ARHGAP8: variants seen among roughly 807,000 people sequenced by gnomAD.
The protein encoded by ARHGAP8 is rho GTPase-activating protein 8.
In ARHGAP8, 62 loss-of-function variants were observed where a neutral mutation model predicts 46.1. That is an observed-to-expected ratio of 1.34 (90% CI 1.10 to 1.66). The LOEUF is 1.66. Ranked by LOEUF, ARHGAP8 falls within the 40% of genes most tolerant of loss-of-function variation. The pLI is 0.00. For missense variants in ARHGAP8, 923 were observed against 568.4 expected (o/e 1.62, Z -6.34); for synonymous variants, 375 against 243.1 (o/e 1.54, Z -5.05).
At chr22:44,843,955 GAT>G (rs770238052) in intron 7 of ARHGAP8, among the ~76,000 whole-genome samples, 2 of 151,374 alleles carry the variant, frequency 1.3e-5, no homozygotes. Context: ...CAAATAAAAA[GAT>G]ACAGCATATA....
intron 6 of ARHGAP8, among the ~76,000 whole-genome samples, chr22:44,823,979 A>G (rs1034349938): frequency 3.3e-5 from 5 of 152,130 alleles, no homozygotes; most frequent in Admixed American, 3.3e-4. Context: ...TTCCATAGCC[A>G]TGCAGCAGAA....
intron 10 of ARHGAP8, among the ~76,000 whole-genome samples, chr22:44,858,336 G>A (rs148438757): frequency 2.2e-4 from 33 of 151,414 alleles, no homozygotes; most frequent in Middle Eastern, 3.4e-3. Flanking sequence ...CACCCGCAGC[G>A]GGAACTTGGT....
At chr22:44,786,230 A>G (rs1359555974) in intron 1 of ARHGAP8, 7 of 608,900 alleles carry the variant, frequency 1.1e-5, no homozygotes, top group African/African-American at 3.9e-5. Context: ...AGAGTGTATA[A>G]TGGGTGCTCG....
At chr22:44,836,415 C>A (rs1399762359) in intron 7 of ARHGAP8, among the ~76,000 whole-genome samples, 1 of 151,786 alleles carries the variant, frequency 6.6e-6, no homozygotes, top group Non-Finnish European at 1.5e-5. Context: ...TTAACTTGAA[C>A]CCTGGCTCTA....
chr22:44,787,002 G>T lies in ARHGAP8; in HGVS notation c.79+396G>T, dbSNP rs1347688403. On this transcript the variant is annotated intron_variant, in intron 2 of 11. Transcript: ENST00000356099. ...CCACTGCACTCCAGCCTGGGTGACA[G>T]AGTGACAGAGTGGTGAGACCCTGTC... is the stretch of plus-strand genomic sequence containing the variant. Among the ~76,000 whole-genome samples, 8 of 141,254 alleles carry T rather than the reference G, an allele frequency of 5.7e-5. 1 individual carries two copies. Among genetic ancestry groups the T allele is most frequent in the African/African-American group, 2.2e-4 (8 of 36,424 alleles). 92.7% of individuals were successfully genotyped at this position (141,254 alleles called of 152,430 possible).
intron 5 of ARHGAP8, among the ~76,000 whole-genome samples, chr22:44,816,662 C>T (rs7287187): frequency 0.044 from 6,684 of 151,938 alleles, 279 homozygotes; most frequent in Middle Eastern, 0.12. Context: ...AAAAATTAGC[C>T]GGATGTGTAG....
intron 10 of ARHGAP8, among the ~76,000 whole-genome samples, chr22:44,856,515 C>G (rs1266718318): frequency 6.6e-6 from 1 of 152,012 alleles, no homozygotes; most frequent in Non-Finnish European, 1.5e-5. Context: ...CTCAGGTGAT[C>G]CATCCGTCTC....
chr22:44,770,250 CAAACAA>C (rs1181660414), intron 1 of ARHGAP8, among the ~76,000 whole-genome samples: 1 of 151,700 alleles, frequency 6.6e-6, no homozygotes, highest in African/African-American at 2.4e-5. Context: ...TCTCAAAAAA[CAAACAA>C]AAACAAACAA....
intron 7 of ARHGAP8, among the ~76,000 whole-genome samples, chr22:44,826,137 G>A (rs971104271): frequency 6.6e-6 from 1 of 151,786 alleles, no homozygotes; most frequent in African/African-American, 2.4e-5. Context: ...CTAGGAGGAA[G>A]CTTCCAGAGC....
At chr22:44,819,436 C>A (rs904883169) in intron 5 of ARHGAP8, among the ~76,000 whole-genome samples, 2 of 152,318 alleles carry the variant, frequency 1.3e-5, no homozygotes, top group East Asian at 3.9e-4. Flanking sequence ...CTTTGGGAGG[C>A]CAATGTGGGC....
Position 44,859,867 on chromosome 22 carries a change from C to T in ARHGAP8, c.981+33C>T, listed in dbSNP as rs757363027. 5.6e-6 allele frequency: 9 copies of T among 1,605,792 alleles called. No individual in the cohort carries two copies. The Admixed American group carries it at 8.4e-5, about 15-fold the overall frequency. On this transcript the variant is annotated intron_variant, in intron 11 of 11. Transcript: ENST00000356099. ...GGGAAGGGGGGAGCTTGGGGTGAAG[C>T]CCAGTGGCCTTCCCTCCCATGCTGG... is the stretch of plus-strand genomic sequence containing the variant.
chr22:44,859,324 C>T (rs9614953), intron 10 of ARHGAP8, among the ~76,000 whole-genome samples: 14,721 of 152,056 alleles, frequency 0.097, 782 homozygotes, highest in Non-Finnish European at 0.11. Flanking sequence ...GAGTTCTTAC[C>T]AGATCTGGTT....
intron 1 of ARHGAP8, among the ~76,000 whole-genome samples, chr22:44,770,487 C>G (rs866618513): frequency 2.6e-5 from 4 of 151,820 alleles, no homozygotes; most frequent in African/African-American, 9.7e-5. Flanking sequence ...CTCATTGCAA[C>G]TTCTACCTTC....
rs35257490 is a variant in ARHGAP8 at position 44,754,338 on chromosome 22, T to TTGTGTGTG, written c.-72+1740_-72+1747dup. Reference sequence around the variant, plus strand: ...ATAACATCATTGGGTCATTGAAACTTTGTGTGTGTGTGTGTGTGTGTGTGT... The same window carrying TTGTGTGTG: ...ATAACATCATTGGGTCATTGAAACTTTGTGTGTGTGTGTGTGTGTGTGTGTGTGTGTGT... On this transcript the variant is annotated intron_variant, in intron 1 of 11. Coordinates refer to ENST00000356099, the MANE Select transcript of ARHGAP8 (RefSeq NM_181335.3). 8.1e-3 allele frequency among the ~76,000 whole-genome samples: 1,189 copies of TTGTGTGTG among 146,592 alleles called. 22 individuals are homozygous for TTGTGTGTG. The highest frequency in any genetic ancestry group is 0.025 in the African/African-American group (984 of 38,978).
intron 7 of ARHGAP8, among the ~76,000 whole-genome samples, chr22:44,827,638 T>C (rs1228272185): frequency 6.6e-6 from 1 of 152,112 alleles, no homozygotes; most frequent in East Asian, 1.9e-4. Flanking sequence ...CCACCTCGCC[T>C]GGCCCATTTG....
intron 2 of ARHGAP8, among the ~76,000 whole-genome samples, chr22:44,789,745 C>A (rs1413319266): frequency 1.3e-5 from 2 of 151,970 alleles, no homozygotes; most frequent in African/African-American, 4.8e-5. Context: ...AAGCAATCGG[C>A]CTGTCTTGGC....
chr22:44,787,032 AAAAAC>A lies in ARHGAP8; in HGVS notation c.79+431_79+435del, dbSNP rs1305403630. Among the ~76,000 whole-genome samples the A allele has an allele frequency of 5.1e-5, 4 of 79,080 alleles. No homozygotes were observed. In the East Asian group the frequency reaches 1.3e-3, roughly 25 times the overall value. 51.9% of individuals were successfully genotyped at this position (79,080 alleles called of 152,430 possible). A position where few individuals can be genotyped will look rare whatever the true frequency, so the allele number is the denominator to read the frequency against. ...ACAGAGTGGTGAGACCCTGTCTCAA[AAAAAC>A]AAAAAAAAAAAAAAGAAAGAAGTAA... is the stretch of plus-strand genomic sequence containing the variant. On this transcript the variant is annotated intron_variant, in intron 2 of 11. Coordinates refer to ENST00000356099, the MANE Select transcript of ARHGAP8 (RefSeq NM_181335.3).
rs970526645 is a variant in ARHGAP8 at position 44,772,223 on chromosome 22, C to A, written c.-71-14234C>A. 6.7e-4 allele frequency among the ~76,000 whole-genome samples: 11 copies of A among 16,400 alleles called. No homozygotes were observed. The East Asian group carries it at 0.028, about 42-fold the overall frequency. 10.8% of individuals were successfully genotyped at this position (16,400 alleles called of 152,430 possible). A position where few individuals can be genotyped will look rare whatever the true frequency, so the allele number is the denominator to read the frequency against. On this transcript the variant is annotated intron_variant, in intron 1 of 11. Coordinates refer to ENST00000356099, the MANE Select transcript of ARHGAP8 (RefSeq NM_181335.3). ...TGTTTCTGTTTTACTACTGTTTTGC[C>A]TTTTTTTTTTTTTTTTTTTTTTTTT... is the stretch of plus-strand genomic sequence containing the variant.
chr22:44,779,184 C>G (rs1187598842), intron 1 of ARHGAP8, among the ~76,000 whole-genome samples: 1 of 150,658 alleles, frequency 6.6e-6, no homozygotes, highest in African/African-American at 2.4e-5. Flanking sequence ...ACTGCAACCT[C>G]CGCCTCTTGG....
Sources: gnomAD v4.1 joint callset for allele counts (sites outside exome capture counted in the v4.1 genomes callset) on GRCh38, gnomAD v4.1.1 for gene constraint, MANE v1.5 for transcripts, NCBI Gene and HGNC (gene_info 2026-07-23, HGNC 2026-07-21) for gene names.